Variants in C16orf46 observed in about 807,000 individuals in gnomAD.
C16orf46 encodes the protein uncharacterized protein C16orf46.
Under a neutral mutation model 5.5 loss-of-function variants are expected in C16orf46, and 7 were observed. The ratio of observed to expected loss-of-function variants is 1.28; its 90% CI spans 0.73 to 2.40. The LOEUF is 2.40. Ranked by LOEUF, C16orf46 falls within the 30% of genes most tolerant of loss-of-function variation. The pLI is 0.00. For synonymous variants in C16orf46, 200 were observed against 184.1 expected, an observed-to-expected ratio of 1.09 and a Z score of -0.70; for missense variants, 614 against 476.0, an observed-to-expected ratio of 1.29 and a Z score of -2.70.
chr16:81,061,343 T>C lies in C16orf46; in HGVS notation c.1006A>G (p.Lys336Glu), dbSNP rs765765776. 3.1e-6 allele frequency: 5 copies of C among 1,614,138 alleles called. No individual in the cohort carries two copies. In the South Asian group the frequency reaches 4.4e-5, roughly 14 times the overall value. The stretch of plus-strand genomic sequence containing the variant: ...GGCTCCTTGGCTTTGAATTTGGATT[T>C]GTAGCTTTGCACTCCCCGTTTCTGC... ...LLQKRGVQSY[K>E]SKFKAKEPRS... Residue 336 changes from lysine (K) to glutamate (E), a missense_variant, in exon 4 of 4, where the codon AAA (lysine) becomes GAA (glutamate). Lys to Glu is a moderately conservative substitution (Grantham distance 56). Coordinates refer to ENST00000299578, the MANE Select transcript of C16orf46 (RefSeq NM_152337.3).
chr16:81,054,230 G>T (rs1401790653), intron 3 of C16orf46: 3 of 586,210 alleles, frequency 5.1e-6, no homozygotes, highest in African/African-American at 3.8e-5. Flanking sequence ...TTTTTCCTTG[G>T]TAGATGAAAC....
chr16:81,055,876 A>C (rs2602403), intron 3 of C16orf46: 128,361 of 151,676 alleles, frequency 0.85, 54,828 homozygotes, highest in Middle Eastern at 0.92. Flanking sequence ...TGCCACCATA[A>C]CTGGCTAATT....
chr16:81,074,347 CAA>C (rs1320947121), intron 1 of C16orf46, among the ~76,000 whole-genome samples: 1 of 152,080 alleles, frequency 6.6e-6, no homozygotes, highest in Non-Finnish European at 1.5e-5. Context: ...ATTAATTAAA[CAA>C]AGTTACTATA....
intron 1 of C16orf46, among the ~76,000 whole-genome samples, chr16:81,075,661 T>G (rs570628605): frequency 6.6e-6 from 1 of 152,172 alleles, no homozygotes; most frequent in African/African-American, 2.4e-5. Flanking sequence ...TTGAGAAGGA[T>G]CTTATGACCT....
rs2151762684 is a variant in C16orf46, at chr16:81,077,228, T to G, written c.-220A>C. 6.6e-6 allele frequency: 1 copy of G among 152,398 alleles called. No homozygotes were observed. Among genetic ancestry groups the G allele is most frequent in the South Asian group, 2.1e-4 (1 of 4,826 alleles). 9.4% of individuals were successfully genotyped at this position (152,398 alleles called of 1,614,324 possible). A position where few individuals can be genotyped will look rare whatever the true frequency, so the allele number is the denominator to read the frequency against. On this transcript the variant is annotated 5_prime_UTR_variant, in exon 1 of 4. Transcript: ENST00000299578. ...GTCGCTGCCGGATGGGCCGTTGCCT[T>G]GGGTTACGACCACGCTGGGGGCGGG...
intron 1 of C16orf46, among the ~76,000 whole-genome samples, chr16:81,066,726 G>A (rs1457965512): frequency 2.0e-5 from 3 of 152,150 alleles, no homozygotes; most frequent in East Asian, 1.9e-4. Flanking sequence ...CACATTTGAC[G>A]TAAACCAAGA....
intron 3 of C16orf46, among the ~76,000 whole-genome samples, chr16:81,063,183 C>T (rs1262536359): frequency 1.4e-5 from 2 of 144,728 alleles, no homozygotes; most frequent in Admixed American, 7.3e-5. Context: ...GCAGAGGTTG[C>T]AGTGAGCCAA....
intron 1 of C16orf46, among the ~76,000 whole-genome samples, chr16:81,070,801 C>T (rs918043456): frequency 2.6e-5 from 4 of 152,126 alleles, no homozygotes; most frequent in African/African-American, 9.7e-5. Context: ...CATTCTCCTA[C>T]CTCAGCCTCC....
chr16:81,066,221 T>G lies in C16orf46; in HGVS notation c.-67A>C, dbSNP rs887826700. ...ATCACCAGATGCACCTTCGGAACAC[T>G]GGTGTACTTCAGGCAGGATCAACAC... On this transcript the variant is annotated 5_prime_UTR_variant, in exon 2 of 4. Transcript: ENST00000299578. 2 of 151,868 alleles carry G rather than the reference T, an allele frequency of 1.3e-5. No individual in the cohort carries two copies. Among genetic ancestry groups the G allele is most frequent in the Non-Finnish European group, 2.9e-5 (2 of 67,976 alleles). The allele number at this position is 151,868 out of a possible 1,614,324, so 9.4% of individuals were successfully genotyped here.
At chr16:81,059,994 T>A (rs1411970064), downstream of C16orf46, among the ~76,000 whole-genome samples, 1 of 151,916 alleles carries the variant, frequency 6.6e-6, no homozygotes, top group East Asian at 1.9e-4. Context: ...TTCACCGTGT[T>A]AGCCAGGATG....
In C16orf46 at chr16:81,061,656, G is replaced by A; in HGVS notation, c.693C>T (p.Asn231=). 3 of 1,614,182 alleles carry A rather than the reference G, an allele frequency of 1.9e-6. No individual in the cohort carries two copies. The highest frequency in any genetic ancestry group is 2.5e-6 in the Non-Finnish European group (3 of 1,180,036). Residue 231 remains asparagine, a synonymous_variant, in exon 4 of 4, where the codon AAC becomes AAT. Coordinates refer to ENST00000299578, the MANE Select transcript of C16orf46 (RefSeq NM_152337.3). ...CCTTCTCTTCTGACTGCAAGAAAGAGTTCTTACTCTTCTTACCCAGAACAT... is the reference window on the plus strand; with the variant it reads ...CCTTCTCTTCTGACTGCAAGAAAGAATTCTTACTCTTCTTACCCAGAACAT... ...ALDVLGKKSK[N]SFLQSEEKVL...
Position 81,064,055 on chromosome 16 carries a change from G to T in C16orf46, c.-38-62C>A, listed in dbSNP as rs994153288. The T allele has an allele frequency of 2.1e-5, 18 of 867,304 alleles. No homozygotes were observed. In the African/African-American group the frequency reaches 2.2e-4, roughly 11 times the overall value. The allele number at this position is 867,304 out of a possible 1,614,324, so 53.7% of individuals were successfully genotyped here. A position where few individuals can be genotyped will look rare whatever the true frequency, so the allele number is the denominator to read the frequency against. Reference sequence around the variant, plus strand: ...TTAATTTTTTTTTAAAAAAAGCAATGCAATACTCAGGTGAAATATCTTCAA... The same window carrying T: ...TTAATTTTTTTTTAAAAAAAGCAATTCAATACTCAGGTGAAATATCTTCAA... On this transcript the variant is annotated intron_variant, in intron 2 of 3. Transcript: ENST00000299578.
downstream of C16orf46, among the ~76,000 whole-genome samples, chr16:81,058,528 G>T (rs1971370640): frequency 6.6e-6 from 1 of 152,182 alleles, no homozygotes; most frequent in South Asian, 2.1e-4. Context: ...ACCCAAGCAA[G>T]GAGCACCTTA....
chr16:81,055,508 A>G (rs1971267878), intron 3 of C16orf46: 1 of 151,504 alleles, frequency 6.6e-6, no homozygotes, highest in African/African-American at 2.4e-5. Context: ...AACCTGGGCA[A>G]CATGGCAAAA....
In C16orf46 at chr16:81,062,041, A is replaced by C; in HGVS notation, c.308T>G (p.Leu103Trp). ...CCAGTGGGAGAGGTTAACACACACC[A>C]AGCAGTCGCTGCAGGCACCTTCCCC... is the stretch of plus-strand genomic sequence containing the variant. Reference protein sequence around the residue: ...RVGEGACSDCLVCVNLSHWSL... With the variant: ...RVGEGACSDCWVCVNLSHWSL... Residue 103 changes from leucine (L) to tryptophan (W), a missense_variant, in exon 4 of 4, where the codon TTG becomes TGG. By Grantham distance (61) the Leu-to-Trp change is moderately conservative. Transcript: ENST00000299578. The C allele has an allele frequency of 1.2e-6, 2 of 1,613,500 alleles. No individual in the cohort carries two copies. Among genetic ancestry groups the C allele is most frequent in the Non-Finnish European group, 1.7e-6 (2 of 1,179,982 alleles).
chr16:81,066,009 C>T (rs1352274708), intron 2 of C16orf46, among the ~76,000 whole-genome samples, 184 bp downstream of exon 2: 1 of 151,864 alleles, frequency 6.6e-6, no homozygotes, highest in African/African-American at 2.4e-5. Flanking sequence ...CCTCAGCCTC[C>T]CGAGTAGCTG....
intron 1 of C16orf46, among the ~76,000 whole-genome samples, chr16:81,071,161 A>G (rs1971838290): frequency 1.3e-5 from 2 of 152,242 alleles, no homozygotes; most frequent in South Asian, 4.2e-4. Flanking sequence ...CCCCACTAAG[A>G]ATGAAAAGAA....
At chr16:81,074,668 C>G (rs1039806416) in intron 1 of C16orf46, among the ~76,000 whole-genome samples, 3 of 152,160 alleles carry the variant, frequency 2.0e-5, no homozygotes, top group Admixed American at 1.3e-4. Context: ...CAGGCATGAG[C>G]CACCACACCC....
chr16:81,055,107 A>T (rs373609189), intron 3 of C16orf46, among the ~76,000 whole-genome samples: 1 of 152,248 alleles, frequency 6.6e-6, no homozygotes, highest in African/African-American at 2.4e-5. Flanking sequence ...GAAGTCAGTC[A>T]TGAGGATTTC....
Sources: gnomAD v4.1 joint callset for allele counts (sites outside exome capture counted in the v4.1 genomes callset) on GRCh38, gnomAD v4.1.1 for gene constraint, MANE v1.5 for transcripts, NCBI Gene and HGNC (gene_info 2026-07-23, HGNC 2026-07-21) for gene names.